Variants in TTYH2 observed in about 807,000 individuals in gnomAD.
TTYH2 encodes tweety family member 2.
Under a neutral mutation model 68.3 loss-of-function variants are expected in TTYH2, and 49 were observed. That is an observed-to-expected ratio of 0.72 (90% CI 0.57 to 0.91). The LOEUF (loss-of-function observed/expected upper bound fraction) is 0.91, where lower values mean the gene tolerates loss of function less well. Among genes scored for constraint, TTYH2 ranks in the 40% least tolerant of loss-of-function variants. The pLI is 0.00. For synonymous variants in TTYH2, 272 were observed against 300.8 expected, an observed-to-expected ratio of 0.90 and a Z score of 0.99; for missense variants, 631 against 700.4, an observed-to-expected ratio of 0.90 and a Z score of 1.12.
chr17:74,223,056 G>GATCA (rs60026635), intron 2 of TTYH2, among the ~76,000 whole-genome samples: 3,408 of 152,242 alleles, frequency 0.022, 122 homozygotes, highest in African/African-American at 0.078. Flanking sequence ...GAGATCAATA[G>GATCA]CTTTTAGTGC....
In TTYH2 at chr17:74,261,119, T is replaced by C. The variant is rs562042979; in HGVS notation, c.*910T>C. On this transcript the variant is annotated 3_prime_UTR_variant, in exon 14 of 14. Coordinates refer to ENST00000269346, the MANE Select transcript of TTYH2 (RefSeq NM_032646.6). ...ATTTGCAGCTCATTCCTTACCCTGG[T>C]TAGGTCACTACTTTTGCAGATTTTG... 1 of 152,736 alleles carries C rather than the reference T, an allele frequency of 6.5e-6. No individual in the cohort carries two copies. The highest frequency in any genetic ancestry group is 2.4e-5 in the African/African-American group (1 of 41,568). 9.5% of individuals were successfully genotyped at this position (152,736 alleles called of 1,614,324 possible). A position where few individuals can be genotyped will look rare whatever the true frequency, so the allele number is the denominator to read the frequency against.
intron 2 of TTYH2, among the ~76,000 whole-genome samples, chr17:74,230,006 C>G (rs1335717827): frequency 2.0e-5 from 3 of 152,174 alleles, no homozygotes; most frequent in African/African-American, 7.2e-5. Context: ...TGGCGGACAC[C>G]TGTAATCTCA....
intron 6 of TTYH2, 137 bp from the exon 7 acceptor site, chr17:74,248,874 G>A: frequency 1.3e-6 from 2 of 1,508,118 alleles, no homozygotes; most frequent in Non-Finnish European, 1.8e-6. Flanking sequence ...TTGAACCCAG[G>A]AGGCTGGCTC....
chr17:74,260,369 G>T lies in TTYH2; in HGVS notation c.*160G>T. ...GGATTCCCGACCAAAGCCCCAGGGG[G>T]TGCAGAAGACTCACCACGCGGGCCA... On this transcript the variant is annotated 3_prime_UTR_variant, in exon 14 of 14. Coordinates refer to ENST00000269346, the MANE Select transcript of TTYH2 (RefSeq NM_032646.6). The T allele has an allele frequency of 1.4e-6, 1 of 710,134 alleles. No homozygotes were observed. Among genetic ancestry groups the T allele is most frequent in the Non-Finnish European group, 2.4e-6 (1 of 414,978 alleles). The allele number at this position is 710,134 out of a possible 1,614,324, so 44.0% of individuals were successfully genotyped here. A position where few individuals can be genotyped will look rare whatever the true frequency, so the allele number is the denominator to read the frequency against.
chr17:74,248,261 C>G (rs575309381), intron 6 of TTYH2: 1 of 985,642 alleles, frequency 1.0e-6, no homozygotes, highest in East Asian at 1.1e-4. Context: ...CCCTAGAGCA[C>G]CCCAGGCCAG....
Position 74,232,813 on chromosome 17 carries a change from A to T in TTYH2, c.414+1814A>T, listed in dbSNP as rs1433619851. Among the ~76,000 whole-genome samples, 1 of 152,148 alleles carries T rather than the reference A, an allele frequency of 6.6e-6. No individual in the cohort carries two copies. The highest frequency in any genetic ancestry group is 1.5e-5 in the Non-Finnish European group (1 of 68,008). ...TCCCAGAACTCCCTTATGGGAAAACATCAAGTCCTAGAAGTCCCTATCCCA... is the reference window on the plus strand; with the variant it reads ...TCCCAGAACTCCCTTATGGGAAAACTTCAAGTCCTAGAAGTCCCTATCCCA... On this transcript the variant is annotated intron_variant, in intron 3 of 13. Transcript: ENST00000269346. This position sits in a 1 kb window ranked among gnomAD's most constrained non-coding sequence, Gnocchi z 5.1.
intron 13 of TTYH2, among the ~76,000 whole-genome samples, chr17:74,258,018 G>T (rs2050710564): frequency 6.6e-6 from 1 of 151,904 alleles, no homozygotes; most frequent in Admixed American, 6.6e-5. Context: ...GCTGGGCATG[G>T]TGATGGGTGC....
intron 3 of TTYH2, among the ~76,000 whole-genome samples, chr17:74,231,795 A>C (rs535991502): frequency 6.6e-6 from 1 of 152,104 alleles, no homozygotes; most frequent in Non-Finnish European, 1.5e-5. Context: ...CTCACAGTGA[A>C]GGATGCTCTG....
intron 10 of TTYH2, among the ~76,000 whole-genome samples, chr17:74,251,192 TGTGCATGCGTGTGTGTG>T (rs2050621529): frequency 6.6e-6 from 1 of 151,578 alleles, no homozygotes; most frequent in Admixed American, 6.6e-5. Context: ...GCATGTGTGC[TGTGCATGCGTGTGTGTG>T]GTGCATGTGT....
At chr17:74,252,975 T>G (rs754697538) in intron 11 of TTYH2, 106 bp from the exon 12 acceptor site, 66 of 1,214,174 alleles carry the variant, frequency 5.4e-5, no homozygotes, top group Admixed American at 1.9e-4. Context: ...GAGACACGCG[T>G]GGCCAGAGAG....
chr17:74,245,079 C>G (rs1555599931), intron 6 of TTYH2, among the ~76,000 whole-genome samples: 1 of 152,154 alleles, frequency 6.6e-6, no homozygotes, highest in Non-Finnish European at 1.5e-5. Context: ...ACACTCACAC[C>G]TCGTCCAGTG....
chr17:74,246,517 G>T (rs541816823), intron 6 of TTYH2, among the ~76,000 whole-genome samples: 1 of 152,040 alleles, frequency 6.6e-6, no homozygotes, highest in South Asian at 2.1e-4. Flanking sequence ...GGTCACGGGG[G>T]TCCCTTCAGA....
At chr17:74,246,771 C>T (rs1201776362) in intron 6 of TTYH2, among the ~76,000 whole-genome samples, 1 of 152,162 alleles carries the variant, frequency 6.6e-6, no homozygotes, top group East Asian at 1.9e-4. Context: ...ACTCACAGTT[C>T]CACATGGCTG....
intron 6 of TTYH2, among the ~76,000 whole-genome samples, chr17:74,247,374 A>T (rs1234955425): frequency 6.6e-6 from 1 of 152,090 alleles, no homozygotes; most frequent in Non-Finnish European, 1.5e-5. Context: ...ACATACATGC[A>T]CACGCACACA....
At position 74,260,225 on chromosome 17, in the gene TTYH2, T is replaced by G; in HGVS notation, c.*16T>G. On this transcript the variant is annotated 3_prime_UTR_variant, in exon 14 of 14. Transcript: ENST00000269346. ...TCCAGCCTAACAGACTTTCGGGGGT[T>G]CCTGCCTCCTTTTTCCGTTCTGGTT... The G allele has an allele frequency of 6.2e-7, 1 of 1,612,952 alleles. No individual in the cohort carries two copies. The highest frequency in any genetic ancestry group is 8.5e-7 in the Non-Finnish European group (1 of 1,179,122).
chr17:74,215,332 T>C lies in TTYH2; in HGVS notation c.129+1616T>C, dbSNP rs2050212274. 6.6e-6 allele frequency among the ~76,000 whole-genome samples: 1 copy of C among 152,030 alleles called. No individual in the cohort carries two copies. The highest frequency in any genetic ancestry group is 2.4e-5 in the African/African-American group (1 of 41,378). ...GACCCCTAGGTGGGGGTAGGGATGG[T>C]AAGGGGACTCCCTCACCCTGATGGC... On this transcript the variant is annotated intron_variant, in intron 1 of 13. Coordinates refer to ENST00000269346, the MANE Select transcript of TTYH2 (RefSeq NM_032646.6). The surrounding 1 kb of genome is among the most constrained non-coding windows in gnomAD (Gnocchi z 4.3).
At chr17:74,243,315 G>A (rs2050520795) in intron 4 of TTYH2, 59 bp from the exon 5 acceptor site, 1 of 1,437,110 alleles carries the variant, frequency 7.0e-7, no homozygotes, top group Non-Finnish European at 9.8e-7. Flanking sequence ...CCTCTCACGT[G>A]GCCAGCAGGT....
At chr17:74,253,695 A>G (rs2050661561) in intron 12 of TTYH2, 60 bp from the exon 13 acceptor site, 1 of 1,556,668 alleles carries the variant, frequency 6.4e-7, no homozygotes, top group Admixed American at 1.7e-5. Flanking sequence ...TCCTGTAGAA[A>G]TCTACACACA....
At position 74,229,567 on chromosome 17, in the gene TTYH2, A is replaced by G. The variant is rs184942508; in HGVS notation, c.303-1321A>G. On this transcript the variant is annotated intron_variant, in intron 2 of 13. Transcript: ENST00000269346. Reference sequence around the variant, plus strand: ...AGCTCAAGTCAAAAACCTGCTCTCCATAGATGTTCACAGCAGCTGTATTCA... The same window carrying G: ...AGCTCAAGTCAAAAACCTGCTCTCCGTAGATGTTCACAGCAGCTGTATTCA... Among the ~76,000 whole-genome samples the G allele has an allele frequency of 4.7e-3, 711 of 152,038 alleles. 6 individuals carry two copies. The highest frequency in any genetic ancestry group is 0.016 in the African/African-American group (681 of 41,448).
Sources: allele counts gnomAD v4.1 joint callset (sites outside exome capture counted in the v4.1 genomes callset), GRCh38; gene constraint gnomAD v4.1.1; non-coding constraint Gnocchi (gnomAD v3.1); transcripts MANE v1.5; gene names NCBI Gene and HGNC (gene_info 2026-07-23, HGNC 2026-07-21).